Variants in SESTD1 observed in about 807,000 individuals in gnomAD.
SESTD1 encodes SEC14 domain and spectrin repeat-containing protein 1.
In SESTD1, 43 loss-of-function variants were observed where a neutral mutation model predicts 101.7. The observed-to-expected ratio is 0.42, with a 90% CI of 0.33 to 0.55. The LOEUF (loss-of-function observed/expected upper bound fraction) is 0.55. SESTD1 is among the 20% of genes least tolerant of loss of function. The pLI, the probability that SESTD1 is intolerant of heterozygous loss-of-function variation, is 0.07. For missense variants in SESTD1, 647 were observed against 815.1 expected, an observed-to-expected ratio of 0.79 and a Z score of 2.51; for synonymous variants, 283 against 286.8, an observed-to-expected ratio of 0.99 and a Z score of 0.13.
intron 4 of SESTD1, chr2:179,174,544 C>A: frequency 2.4e-6 from 1 of 415,586 alleles, no homozygotes; most frequent in Non-Finnish European, 4.8e-6. Context: ...ATTTTAACAA[C>A]TTTCACAGAG....
Position 179,110,037 on chromosome 2 carries a change from C to A in SESTD1, c.1962-9G>T. On this transcript the variant is annotated splice_polypyrimidine_tract_variant and intron_variant, in intron 17 of 17. Coordinates refer to ENST00000428443, the MANE Select transcript of SESTD1 (RefSeq NM_178123.5). ...CAAAATATTGTTCGGTTCTAAAAAT[C>A]AAAACACACAGAAAAACCTCAGATT... is the stretch of plus-strand genomic sequence containing the variant. 6.2e-7 allele frequency: 1 copy of A among 1,611,960 alleles called. No homozygotes were observed. The highest frequency in any genetic ancestry group is 1.1e-5 in the South Asian group (1 of 90,782).
chr2:179,195,869 G>A (rs758623967), intron 1 of SESTD1, among the ~76,000 whole-genome samples: 3 of 151,292 alleles, frequency 2.0e-5, no homozygotes, highest in Admixed American at 6.6e-5. Context: ...AAAAGACTTC[G>A]TATGAGAAAA....
At chr2:179,173,247 C>G (rs2045955913) in intron 4 of SESTD1, among the ~76,000 whole-genome samples, 1 of 152,146 alleles carries the variant, frequency 6.6e-6, no homozygotes, top group Admixed American at 6.5e-5. Flanking sequence ...CCTTCCCTGT[C>G]TACCCTACCT....
At chr2:179,123,658 T>C (rs1029352177) in intron 12 of SESTD1, 57 bp downstream of exon 12, 5 of 1,056,554 alleles carry the variant, frequency 4.7e-6, no homozygotes, top group Non-Finnish European at 6.7e-6. Context: ...CTAACCATGG[T>C]AATGATATTT....
chr2:179,253,006 G>T (rs745551635), intron 1 of SESTD1, among the ~76,000 whole-genome samples: 11 of 152,078 alleles, frequency 7.2e-5, no homozygotes, highest in Admixed American at 3.9e-4. Flanking sequence ...AGAAGTAAAT[G>T]AATTATAAAA....
Position 179,117,629 on chromosome 2 carries a change from ATAAATT to A in SESTD1, c.1443-22_1443-17del. On this transcript the variant is annotated splice_polypyrimidine_tract_variant and intron_variant, in intron 13 of 17. Coordinates refer to ENST00000428443, the MANE Select transcript of SESTD1 (RefSeq NM_178123.5). ...GTCTTCACATCTAATGAACCCAAACATAAATTTAACTCATCATTTCTGTTTTATTGA... is the reference window on the plus strand; with the variant it reads ...GTCTTCACATCTAATGAACCCAAACATAACTCATCATTTCTGTTTTATTGA... 6.5e-7 allele frequency: 1 copy of A among 1,549,072 alleles called. No homozygotes were observed. The highest frequency in any genetic ancestry group is 8.6e-7 in the Non-Finnish European group (1 of 1,156,766).
chr2:179,231,861 G>A (rs924248209), intron 1 of SESTD1, among the ~76,000 whole-genome samples: 4 of 151,862 alleles, frequency 2.6e-5, no homozygotes, highest in Non-Finnish European at 5.9e-5. Context: ...ATGACACAGA[G>A]AAACACTGTT....
In SESTD1 at chr2:179,107,530, G is replaced by C. The variant is rs1409367358; in HGVS notation, c.*2369C>G. On this transcript the variant is annotated 3_prime_UTR_variant, in exon 18 of 18. Transcript: ENST00000428443. ...ATTCTAACTACTCTGAAATTCAGAA[G>C]AAACAGATATTGAGTATTGATATTT... 6.6e-6 allele frequency: 1 copy of C among 152,088 alleles called. No individual in the cohort carries two copies. The highest frequency in any genetic ancestry group is 1.5e-5 in the Non-Finnish European group (1 of 67,998). The allele number at this position is 152,088 out of a possible 1,614,324, so 9.4% of individuals were successfully genotyped here.
At chr2:179,187,095 G>C (rs1687770921) in intron 2 of SESTD1, among the ~76,000 whole-genome samples, 1 of 151,998 alleles carries the variant, frequency 6.6e-6, no homozygotes, top group Admixed American at 6.6e-5. Context: ...ATTACCACTA[G>C]ACCAAAGAGA....
intron 2 of SESTD1, among the ~76,000 whole-genome samples, chr2:179,189,291 G>A (rs144946989): frequency 5.9e-5 from 9 of 152,226 alleles, no homozygotes; most frequent in Admixed American, 2.0e-4. Flanking sequence ...CAATAAATGT[G>A]AGTCACCACA....
chr2:179,177,803 A>C (rs2105480446), intron 3 of SESTD1, among the ~76,000 whole-genome samples: 1 of 152,234 alleles, frequency 6.6e-6, no homozygotes, highest in East Asian at 1.9e-4. Flanking sequence ...CCAAATGTCC[A>C]CCAACTAATG....
At chr2:179,137,162 T>G (rs1330759711) in intron 9 of SESTD1, among the ~76,000 whole-genome samples, 1 of 152,188 alleles carries the variant, frequency 6.6e-6, no homozygotes, top group African/African-American at 2.4e-5. Flanking sequence ...CATATCAATG[T>G]GACCCTTCAA....
At chr2:179,160,106 C>T (rs1390629034) in intron 5 of SESTD1, among the ~76,000 whole-genome samples, 1 of 152,218 alleles carries the variant, frequency 6.6e-6, no homozygotes, top group Non-Finnish European at 1.5e-5. Flanking sequence ...ATCCACCTGC[C>T]TCAGCCTCCC....
chr2:179,251,828 GCCCTCAC>G (rs1377218235), intron 1 of SESTD1, among the ~76,000 whole-genome samples: 2 of 152,022 alleles, frequency 1.3e-5, no homozygotes, highest in Non-Finnish European at 2.9e-5. Flanking sequence ...CAAGAAGCTG[GCCCTCAC>G]CAGATACAAA....
rs1233183100 is a variant in SESTD1, at chr2:179,153,222, G to C, written c.370-1831C>G. ...AAACAATACCTACAACCAATGAAGT[G>C]AATCATTAGATTCTTTATGTTTTCA... is the stretch of plus-strand genomic sequence containing the variant. On this transcript the variant is annotated intron_variant, in intron 5 of 17. Transcript: ENST00000428443. 2.6e-5 allele frequency among the ~76,000 whole-genome samples: 4 copies of C among 152,112 alleles called. 1 individual carries two copies. The highest frequency in any genetic ancestry group is 4.4e-5 in the Non-Finnish European group (3 of 68,020).
At chr2:179,180,001 A>G (rs751522393) in intron 3 of SESTD1, among the ~76,000 whole-genome samples, 1 of 152,112 alleles carries the variant, frequency 6.6e-6, no homozygotes, top group Non-Finnish European at 1.5e-5. Context: ...CTCTGGTAAA[A>G]TATCTTCTTA....
chr2:179,142,062 C>T (rs557434739), intron 9 of SESTD1, among the ~76,000 whole-genome samples: 15 of 152,254 alleles, frequency 9.9e-5, no homozygotes, highest in African/African-American at 2.9e-4. Flanking sequence ...TGAGAAGCCA[C>T]GAACTAGATC....
chr2:179,184,370 T>C (rs1252420752), intron 2 of SESTD1, among the ~76,000 whole-genome samples: 1 of 152,168 alleles, frequency 6.6e-6, no homozygotes, highest in Non-Finnish European at 1.5e-5. Context: ...AAGACTCATA[T>C]TAGTGACACA....
At chr2:179,256,326 T>C (rs2047393025) in intron 1 of SESTD1, among the ~76,000 whole-genome samples, 1 of 152,142 alleles carries the variant, frequency 6.6e-6, no homozygotes, top group Admixed American at 6.5e-5. Flanking sequence ...TTGTGATTCA[T>C]GGGAGGAGGT....
Sources: gnomAD v4.1 joint callset for allele counts (sites outside exome capture counted in the v4.1 genomes callset) on GRCh38, gnomAD v4.1.1 for gene constraint, MANE v1.5 for transcripts, NCBI Gene and HGNC (gene_info 2026-07-23, HGNC 2026-07-21) for gene names.